Variants in CCDC7 observed in about 807,000 individuals in gnomAD.
CCDC7 encodes coiled-coil domain-containing protein 7.
In CCDC7, 183 loss-of-function variants were observed where a neutral mutation model predicts 196.9. That is an observed-to-expected ratio of 0.93 (90% confidence interval 0.82 to 1.05). The LOEUF (loss-of-function observed/expected upper bound fraction) is 1.05, where lower values mean the gene tolerates loss of function less well. CCDC7 is among the 50% of genes least tolerant of loss of function. The pLI is 0.00. For missense variants in CCDC7, 1,540 were observed against 1,482.2 expected (o/e 1.04, Z -0.64); for synonymous variants, 525 against 484.6 (o/e 1.08, Z -1.10).
intron 20 of CCDC7, among the ~76,000 whole-genome samples, chr10:32,637,657 G>A (rs916797740): frequency 2.0e-5 from 3 of 152,180 alleles, no homozygotes; most frequent in African/African-American, 7.2e-5. Flanking sequence ...TTGAAGTCAG[G>A]TAGCGTGGTA....
chr10:32,462,074 C>T (rs1255823461), intron 3 of CCDC7, among the ~76,000 whole-genome samples: 1 of 151,920 alleles, frequency 6.6e-6, no homozygotes. Flanking sequence ...ACCCAGCCTC[C>T]TTACCTATAT....
At chr10:32,766,135 C>A (rs996455327) in intron 28 of CCDC7, among the ~76,000 whole-genome samples, 1 of 151,778 alleles carries the variant, frequency 6.6e-6, no homozygotes, top group African/African-American at 2.4e-5. Context: ...GACATGAATC[C>A]AAAAAATTTA....
chr10:32,670,468 G>A (rs1156327936), intron 21 of CCDC7, among the ~76,000 whole-genome samples: 1 of 151,286 alleles, frequency 6.6e-6, no homozygotes, highest in African/African-American at 2.4e-5. Flanking sequence ...GTATACATGT[G>A]CCATGCTGGT....
intron 18 of CCDC7, 78 bp downstream of exon 19, chr10:32,584,382 A>T (rs532803409): frequency 1.1e-6 from 1 of 949,730 alleles, no homozygotes; most frequent in African/African-American, 1.7e-5. Context: ...TAAATAAATG[A>T]GGGGAAAACA....
At chr10:32,567,556 A>T (rs2057006920) in intron 14 of CCDC7, 114 bp from the exon 16 acceptor site, 1 of 1,224,110 alleles carries the variant, frequency 8.2e-7, no homozygotes, top group Non-Finnish European at 1.1e-6. Flanking sequence ...TCAACTCAGT[A>T]AAAATGAGTT....
intron 9 of CCDC7, among the ~76,000 whole-genome samples, chr10:32,493,010 A>C (rs938446397): frequency 1.3e-5 from 2 of 152,050 alleles, no homozygotes; most frequent in African/African-American, 4.8e-5. Flanking sequence ...TTATATGTAC[A>C]TACCTTGTGG....
intron 18 of CCDC7, among the ~76,000 whole-genome samples, chr10:32,616,551 G>GTT (rs35565255): frequency 9.0e-5 from 13 of 144,200 alleles, no homozygotes; most frequent in East Asian, 4.0e-4. Context: ...AATCTAAGAG[G>GTT]TTTTTTTTTT....
downstream of CCDC7, among the ~76,000 whole-genome samples, chr10:32,878,639 T>A (rs186451544): frequency 2.4e-4 from 37 of 152,160 alleles, no homozygotes; most frequent in East Asian, 6.6e-3. Flanking sequence ...TACTCCCAGA[T>A]TATGAGGTAG....
chr10:32,820,153 G>C (rs1403619419), intron 31 of CCDC7, among the ~76,000 whole-genome samples: 1 of 152,252 alleles, frequency 6.6e-6, no homozygotes, highest in African/African-American at 2.4e-5. Flanking sequence ...AAAATCACAA[G>C]CATTCTTATA....
At chr10:32,516,532 C>T (rs1431951390) in intron 9 of CCDC7, among the ~76,000 whole-genome samples, 1 of 152,180 alleles carries the variant, frequency 6.6e-6, no homozygotes, top group Non-Finnish European at 1.5e-5. Flanking sequence ...AGTTGATCTT[C>T]CTGCCTCGGT....
chr10:32,660,128 T>A (rs904837576), intron 20 of CCDC7, among the ~76,000 whole-genome samples: 2 of 152,102 alleles, frequency 1.3e-5, no homozygotes, highest in Non-Finnish European at 2.9e-5. Flanking sequence ...TTTTTTTCTT[T>A]TTTTTTAATA....
chr10:32,637,784 G>A (rs984828515), intron 20 of CCDC7, among the ~76,000 whole-genome samples: 1 of 152,180 alleles, frequency 6.6e-6, no homozygotes, highest in African/African-American at 2.4e-5. Flanking sequence ...TTGGTAGCTT[G>A]ATGGGGATGG....
intron 32 of CCDC7, among the ~76,000 whole-genome samples, chr10:32,831,737 G>A (rs961303083): frequency 6.6e-6 from 1 of 152,146 alleles, no homozygotes; most frequent in Middle Eastern, 3.2e-3. Context: ...TTCAGGGAAA[G>A]TAACACACGT....
chr10:32,865,113 A>T (rs1055724195), intron 41 of CCDC7, among the ~76,000 whole-genome samples: 1 of 151,922 alleles, frequency 6.6e-6, no homozygotes, highest in African/African-American at 2.4e-5. Context: ...GATCAAAATT[A>T]AAAACTTCAC....
chr10:32,549,043 T>C (rs2053011787), intron 13 of CCDC7, among the ~76,000 whole-genome samples: 1 of 152,208 alleles, frequency 6.6e-6, no homozygotes, highest in African/African-American at 2.4e-5. Flanking sequence ...TGTAGAAGTG[T>C]TCTCTGATCA....
At chr10:32,711,595 G>A (rs748130388) in intron 24 of CCDC7, 25 bp from the exon 26 acceptor site, 3 of 1,386,694 alleles carry the variant, frequency 2.2e-6, no homozygotes, top group South Asian at 1.3e-5. Context: ...TTCTAGTAAG[G>A]GACTAAATTT....
intron 28 of CCDC7, among the ~76,000 whole-genome samples, chr10:32,752,032 G>A (rs2075741439): frequency 6.6e-6 from 1 of 152,110 alleles, no homozygotes; most frequent in South Asian, 2.1e-4. Context: ...TCTGGAAAAT[G>A]ATGCTATACT....
At chr10:32,739,811 T>A (rs931469345) in intron 28 of CCDC7, among the ~76,000 whole-genome samples, 1 of 152,054 alleles carries the variant, frequency 6.6e-6, no homozygotes, top group Admixed American at 6.6e-5. Context: ...TTGCTGAAAT[T>A]GTAGGTATCA....
intron 28 of CCDC7, among the ~76,000 whole-genome samples, chr10:32,768,766 G>A (rs2504343): frequency 0.34 from 52,167 of 151,954 alleles, 11,343 homozygotes; most frequent in Non-Finnish European, 0.49. Flanking sequence ...TAAATATGTC[G>A]AGATTATCAA....
Sources: gnomAD v4.1 joint callset for allele counts (sites outside exome capture counted in the v4.1 genomes callset) on GRCh38, gnomAD v4.1.1 for gene constraint, MANE v1.5 for transcripts, NCBI Gene and HGNC (gene_info 2026-07-23, HGNC 2026-07-21) for gene names.